Variants in SH3PXD2A observed in about 807,000 individuals in gnomAD.
SH3PXD2A encodes the protein SH3 and PX domain-containing protein 2A.
In SH3PXD2A, 32 loss-of-function variants were observed where a neutral mutation model predicts 115.2. The ratio of observed to expected loss-of-function variants is 0.28; its 90% CI spans 0.21 to 0.37. The LOEUF (loss-of-function observed/expected upper bound fraction) is 0.37. Among genes scored for constraint, SH3PXD2A ranks in the 10% least tolerant of loss-of-function variants. The pLI is 1.00. For synonymous variants in SH3PXD2A, 610 were observed against 629.1 expected (o/e 0.97, Z 0.45); for missense variants, 1,328 against 1,498.7 (o/e 0.89, Z 1.88).
In SH3PXD2A at chr10:103,665,581, C is replaced by T. The variant is rs1387966374; in HGVS notation, c.472+3027G>A. ...CCCTCCCGTTGCACAGGCAGGCTCC[C>T]AGCTCTTCCCTCTGGCAGCTGCCTC... On this transcript the variant is annotated intron_variant, in intron 7 of 14. Transcript: ENST00000369774. This position sits in a 1 kb window ranked among gnomAD's most constrained non-coding sequence, Gnocchi z 4.0. Among the ~76,000 whole-genome samples the T allele has an allele frequency of 1.3e-5, 2 of 152,240 alleles. No homozygotes were observed. The highest frequency in any genetic ancestry group is 3.2e-3 in the Middle Eastern group (1 of 316).
chr10:103,845,450 C>T (rs922597813), intron 1 of SH3PXD2A, among the ~76,000 whole-genome samples: 1 of 152,094 alleles, frequency 6.6e-6, no homozygotes, highest in African/African-American at 2.4e-5. Context: ...CTCTGGTCAT[C>T]CTGACTGCTA....
intron 10 of SH3PXD2A, among the ~76,000 whole-genome samples, chr10:103,619,198 G>A (rs1485347109): frequency 6.6e-6 from 1 of 152,230 alleles, no homozygotes; most frequent in Non-Finnish European, 1.5e-5. Flanking sequence ...GGCGGCCTGA[G>A]AACCCTGCCC....
At chr10:103,802,941 G>C (rs1029699085) in intron 1 of SH3PXD2A, among the ~76,000 whole-genome samples, 1 of 152,210 alleles carries the variant, frequency 6.6e-6, no homozygotes, top group East Asian at 1.9e-4. Flanking sequence ...AGGGATCTGG[G>C]CCAAGATGAG....
intron 2 of SH3PXD2A, among the ~76,000 whole-genome samples, chr10:103,800,315 C>T (rs2039135329): frequency 1.3e-5 from 2 of 152,210 alleles, no homozygotes; most frequent in Non-Finnish European, 2.9e-5. Flanking sequence ...CCAGAGAGGG[C>T]ATCTGACCCA....
chr10:103,823,122 G>A, intron 1 of SH3PXD2A, among the ~76,000 whole-genome samples: 1 of 152,192 alleles, frequency 6.6e-6, no homozygotes, highest in East Asian at 1.9e-4. Flanking sequence ...AGTGTGTCAA[G>A]TTATATGTTC....
rs553448032 is a variant in SH3PXD2A at position 103,804,140 on chromosome 10, T to C, written c.73-2778A>G. 1.1e-4 allele frequency among the ~76,000 whole-genome samples: 16 copies of C among 152,126 alleles called. No homozygotes were observed. The South Asian group carries it at 3.1e-3, about 30-fold the overall frequency. On this transcript the variant is annotated intron_variant, in intron 1 of 14. Coordinates refer to ENST00000369774, the MANE Select transcript of SH3PXD2A (RefSeq NM_001394015.1). ...ATTGTAAATGTTTCTTATCAGATCT[T>C]AGGTCTGCATTGATATTGATGCTGC... is the stretch of plus-strand genomic sequence containing the variant.
At chr10:103,847,335 A>G (rs559617218) in intron 1 of SH3PXD2A, among the ~76,000 whole-genome samples, 2 of 150,482 alleles carry the variant, frequency 1.3e-5, no homozygotes, top group East Asian at 3.9e-4. Flanking sequence ...TTTTTTTGAG[A>G]CAGGGTCTCA....
chr10:103,698,191 C>T (rs545049042), intron 5 of SH3PXD2A, among the ~76,000 whole-genome samples: 1 of 152,310 alleles, frequency 6.6e-6, no homozygotes, highest in East Asian at 1.9e-4. Context: ...CCAGGAAGAG[C>T]CACTGAGGCA....
intron 7 of SH3PXD2A, among the ~76,000 whole-genome samples, chr10:103,664,409 A>G (rs1019430144): frequency 5.3e-5 from 8 of 152,156 alleles, no homozygotes; most frequent in Admixed American, 5.2e-4. Flanking sequence ...GAGCAACCCC[A>G]TGCAGTAGGT....
intron 3 of SH3PXD2A, among the ~76,000 whole-genome samples, chr10:103,749,162 C>T (rs1410483120): frequency 8.4e-6 from 1 of 118,680 alleles, no homozygotes; most frequent in Non-Finnish European, 1.7e-5. Flanking sequence ...AAGGTGGGAG[C>T]CACTGCACCC....
intron 5 of SH3PXD2A, among the ~76,000 whole-genome samples, chr10:103,703,014 T>C (rs879443507): frequency 7.2e-5 from 11 of 152,186 alleles, no homozygotes; most frequent in Non-Finnish European, 1.5e-4. Flanking sequence ...GGTCGATCCT[T>C]GGCTGATGGC....
intron 1 of SH3PXD2A, among the ~76,000 whole-genome samples, chr10:103,841,708 T>C (rs1481193296): frequency 6.6e-6 from 1 of 152,072 alleles, no homozygotes; most frequent in Non-Finnish European, 1.5e-5. Context: ...CCTTGGCACC[T>C]GTTGTTCCCT....
intron 1 of SH3PXD2A, among the ~76,000 whole-genome samples, chr10:103,827,109 A>AT: frequency 1.3e-5 from 2 of 152,138 alleles, no homozygotes; most frequent in Non-Finnish European, 2.9e-5. Flanking sequence ...TGAATAAATC[A>AT]GCCAGGGAGC....
At chr10:103,787,480 C>T (rs544627793) in intron 2 of SH3PXD2A, among the ~76,000 whole-genome samples, 25 of 152,320 alleles carry the variant, frequency 1.6e-4, no homozygotes, top group African/African-American at 4.6e-4. Flanking sequence ...CCCTGTTGCA[C>T]TGCTGGATGG....
intron 6 of SH3PXD2A, among the ~76,000 whole-genome samples, chr10:103,689,080 C>T (rs1274038892): frequency 6.6e-6 from 1 of 152,060 alleles, no homozygotes; most frequent in Admixed American, 6.6e-5. Flanking sequence ...TGCTTTGTTG[C>T]CCAGGCTGGT....
Position 103,602,734 on chromosome 10 carries a change from G to C in SH3PXD2A, c.2484C>G (p.Thr828=). The C allele has an allele frequency of 6.2e-7, 1 of 1,614,102 alleles. No individual in the cohort carries two copies. The highest frequency in any genetic ancestry group is 8.5e-7 in the Non-Finnish European group (1 of 1,179,988). The part of the protein sequence containing the change: ...SSSDLITLPA[T]TPPCPTKKEW... ...CCTTCTTGGTGGGACATGGGGGAGT[G>C]GTGGCTGGGAGGGTGATGAGGTCGG... Residue 828 remains threonine (T), a synonymous_variant, in exon 15 of 15, where the codon ACC becomes ACG. Transcript: ENST00000369774.
chr10:103,602,697 G>A lies in SH3PXD2A; in HGVS notation c.2521C>T (p.Pro841Ser). The A allele has an allele frequency of 6.2e-7, 1 of 1,614,146 alleles. No individual in the cohort carries two copies. ...CTGCATGTCATGTACGAGGTGGCTG[G>A]CCCTTCCCATTCCTTCTTGGTGGGA... ...PCPTKKEWEG[P>S]ATSYMTCSAY... is the part of the protein sequence containing the mutation. Residue 841 changes from proline (P) to serine (S), a missense_variant, in exon 15 of 15, where the codon CCA becomes TCA. Transcript: ENST00000369774.
chr10:103,772,974 G>A (rs148613237), intron 2 of SH3PXD2A, among the ~76,000 whole-genome samples: 4,106 of 152,264 alleles, frequency 0.027, 76 homozygotes, highest in Non-Finnish European at 0.039. Flanking sequence ...CTGTAATCCC[G>A]GCACTTTGGA....
intron 1 of SH3PXD2A, among the ~76,000 whole-genome samples, chr10:103,833,892 G>T (rs1313485002): frequency 6.6e-6 from 1 of 152,180 alleles, no homozygotes; most frequent in East Asian, 1.9e-4. Context: ...TAAGAGGGCT[G>T]GGGAGTTAGT....
Sources: gnomAD v4.1 joint callset for allele counts (sites outside exome capture counted in the v4.1 genomes callset) on GRCh38, gnomAD v4.1.1 for gene constraint, Gnocchi (gnomAD v3.1) non-coding constraint, MANE v1.5 for transcripts, NCBI Gene and HGNC (gene_info 2026-07-23, HGNC 2026-07-21) for gene names.